The following B4GALNT2 variants were observed in gnomAD, a reference collection of about 807,000 sequenced individuals.
The protein encoded by B4GALNT2 is beta-1,4-N-acetyl-galactosaminyltransferase 2 (SID blood group).
In B4GALNT2, 42 loss-of-function variants were observed where a neutral mutation model predicts 51.1. The ratio of observed to expected loss-of-function variants is 0.82; its 90% CI spans 0.64 to 1.06. The LOEUF (loss-of-function observed/expected upper bound fraction) is 1.06, where lower values mean the gene tolerates loss of function less well. Ranked by LOEUF, B4GALNT2 falls within the 50% of genes least tolerant of loss-of-function variation. B4GALNT2 has a pLI of 0.00. For synonymous variants in B4GALNT2, 253 were observed against 251.7 expected, an observed-to-expected ratio of 1.01 and a Z score of -0.05; for missense variants, 602 against 633.6, an observed-to-expected ratio of 0.95 and a Z score of 0.54.
At chr17:49,125,697 G>A in the B4GALNT2 span, among the ~76,000 whole-genome samples, 2 of 102,930 alleles carry the variant, frequency 1.9e-5, no homozygotes, top group Non-Finnish European at 4.6e-5. Flanking sequence ...CGTCTGGGAG[G>A]GAGGTGGGGG....
chr17:49,131,334 G>C (rs1270489584), upstream of B4GALNT2, among the ~76,000 whole-genome samples: 3 of 151,846 alleles, frequency 2.0e-5, no homozygotes, highest in African/African-American at 7.3e-5. Flanking sequence ...ACTCCCTTCT[G>C]AGAGACTCCC....
At chr17:49,129,155 CAAG>C (rs749007042), upstream of B4GALNT2, among the ~76,000 whole-genome samples, 2 of 150,908 alleles carry the variant, frequency 1.3e-5, no homozygotes, top group Non-Finnish European at 2.9e-5. Flanking sequence ...ACTGGAGCCA[CAAG>C]AAGTGGGGTG....
the B4GALNT2 span, among the ~76,000 whole-genome samples, chr17:49,125,720 G>C: frequency 2.4e-5 from 3 of 122,474 alleles, no homozygotes; most frequent in Admixed American, 8.3e-5. Context: ...GGCCCCCGCC[G>C]GGCCGGCCGC....
Position 49,175,779 on chromosome 17 carries a change from G to T in B4GALNT2, c.*6051G>T, listed in dbSNP as rs2042983530. 1 of 152,106 alleles carries T rather than the reference G, an allele frequency of 6.6e-6. No individual in the cohort carries two copies. Among genetic ancestry groups the T allele is most frequent in the Non-Finnish European group, 1.5e-5 (1 of 68,044 alleles). 9.4% of individuals were successfully genotyped at this position (152,106 alleles called of 1,614,324 possible). A position where few individuals can be genotyped will look rare whatever the true frequency, so the allele number is the denominator to read the frequency against. ...ATAGAACTGAGAGCAGTCACTCGAGGCACTGCTAGAACAGTCACTGGGGCA... is the reference window on the plus strand; with the variant it reads ...ATAGAACTGAGAGCAGTCACTCGAGTCACTGCTAGAACAGTCACTGGGGCA... On this transcript the variant is annotated 3_prime_UTR_variant, in exon 11 of 11. Transcript: ENST00000393354.
At chr17:49,139,705 A>G (rs950905238) in intron 1 of B4GALNT2, among the ~76,000 whole-genome samples, 3 of 152,086 alleles carry the variant, frequency 2.0e-5, no homozygotes, top group African/African-American at 4.8e-5. Flanking sequence ...TTGTAGATAC[A>G]GGGTCTTGTT....
rs749435718 is a variant in B4GALNT2 at position 49,174,215 on chromosome 17, G to T, written c.*4487G>T. 1.3e-5 allele frequency: 2 copies of T among 152,110 alleles called. No individual in the cohort carries two copies. Among genetic ancestry groups the T allele is most frequent in the Non-Finnish European group, 2.9e-5 (2 of 68,010 alleles). 9.4% of individuals were successfully genotyped at this position (152,110 alleles called of 1,614,324 possible). Reference sequence around the variant, plus strand: ...TCATAACATTGGAGTAATATTTCTCGAGTGGGGGGCAGCACAAAGTATATC... The same window carrying T: ...TCATAACATTGGAGTAATATTTCTCTAGTGGGGGGCAGCACAAAGTATATC... On this transcript the variant is annotated 3_prime_UTR_variant, in exon 11 of 11. Coordinates refer to ENST00000393354, the MANE Select transcript of B4GALNT2 (RefSeq NM_001159387.2).
chr17:49,129,235 G>A (rs2042525631), upstream of B4GALNT2, among the ~76,000 whole-genome samples: 1 of 151,954 alleles, frequency 6.6e-6, no homozygotes. Context: ...GGGAGGAGGA[G>A]GGGAGAAAGC....
Position 49,173,190 on chromosome 17 carries a change from C to T in B4GALNT2, c.*3462C>T, listed in dbSNP as rs558240078. ...TAAAAAGGATGCATTCTACTCCTGA[C>T]TGCTGTTTGCAATTGGGTAAATAAA... On this transcript the variant is annotated 3_prime_UTR_variant, in exon 11 of 11. Coordinates refer to ENST00000393354, the MANE Select transcript of B4GALNT2 (RefSeq NM_001159387.2). 6.6e-6 allele frequency: 1 copy of T among 152,230 alleles called. No homozygotes were observed. The highest frequency in any genetic ancestry group is 1.5e-5 in the Non-Finnish European group (1 of 68,042). The allele number at this position is 152,230 out of a possible 1,614,324, so 9.4% of individuals were successfully genotyped here. A position where few individuals can be genotyped will look rare whatever the true frequency, so the allele number is the denominator to read the frequency against.
intron 1 of B4GALNT2, among the ~76,000 whole-genome samples, chr17:49,135,883 G>A (rs1001875485): frequency 5.9e-5 from 9 of 151,454 alleles, no homozygotes; most frequent in African/African-American, 1.2e-4. Context: ...CTAACACGGC[G>A]AAACTCCGTC....
intron 1 of B4GALNT2, among the ~76,000 whole-genome samples, chr17:49,139,788 T>C (rs2042623212): frequency 1.3e-5 from 2 of 152,134 alleles, no homozygotes; most frequent in Admixed American, 1.3e-4. Flanking sequence ...AGTGCTCAGA[T>C]TATGGGCATG....
upstream of B4GALNT2, among the ~76,000 whole-genome samples, chr17:49,130,276 G>C (rs1006281893): frequency 7.2e-5 from 11 of 152,216 alleles, no homozygotes; most frequent in Admixed American, 6.5e-4. Flanking sequence ...GCTGGTGTGG[G>C]GAAAAGAGCC....
At chr17:49,121,756 C>A in the B4GALNT2 span, among the ~76,000 whole-genome samples, 2 of 152,158 alleles carry the variant, frequency 1.3e-5, no homozygotes, top group African/African-American at 4.8e-5. Context: ...TTGGGGGAAG[C>A]TATCCTCAGA....
At chr17:49,136,463 T>G (rs1234956033) in intron 1 of B4GALNT2, among the ~76,000 whole-genome samples, 1 of 151,908 alleles carries the variant, frequency 6.6e-6, no homozygotes, top group East Asian at 1.9e-4. Context: ...TTCAGTAATT[T>G]GATTTTTTTA....
Position 49,152,847 on chromosome 17 carries a change from C to G in B4GALNT2, c.401C>G (p.Pro134Arg), listed in dbSNP as rs372388063. 6.2e-7 allele frequency: 1 copy of G among 1,611,166 alleles called. No individual in the cohort carries two copies. Among genetic ancestry groups the G allele is most frequent in the African/African-American group, 1.3e-5 (1 of 74,852 alleles). ...CCCCTGCTGGTCCAGCCCAACCTCC[C>G]CTTTGGGTACCCAGTCCACGGAGTG... is the stretch of plus-strand genomic sequence containing the variant. Reference protein sequence around the residue: ...PLPLLVQPNLPFGYPVHGVEV... With the variant: ...PLPLLVQPNLRFGYPVHGVEV... Residue 134 changes from proline (P) to arginine (R), a missense_variant, in exon 4 of 11, where the codon CCC becomes CGC. Coordinates refer to ENST00000393354, the MANE Select transcript of B4GALNT2 (RefSeq NM_001159387.2).
intron 3 of B4GALNT2, among the ~76,000 whole-genome samples, chr17:49,150,100 G>A (rs1323113120): frequency 6.6e-6 from 1 of 151,760 alleles, no homozygotes; most frequent in South Asian, 2.1e-4. Context: ...CTGGCCAGCC[G>A]CCCCGTCCAG....
chr17:49,141,468 T>C (rs2042643568), intron 2 of B4GALNT2, 21 bp downstream of exon 2: 2 of 1,608,178 alleles, frequency 1.2e-6, no homozygotes, highest in East Asian at 4.5e-5. Context: ...GCGTGTTCTT[T>C]CTTTCACCTT....
intron 3 of B4GALNT2, among the ~76,000 whole-genome samples, chr17:49,147,709 A>C (rs754485044): frequency 1.3e-5 from 2 of 151,786 alleles, no homozygotes; most frequent in Admixed American, 1.3e-4. Flanking sequence ...TCCCCTGACC[A>C]CTACCACTGC....
Position 49,160,545 on chromosome 17 carries a change from C to T in B4GALNT2, c.680-10C>T. ...TACTCCCTGTGCCATTATCTTATTTCTCCCTCCAGTGAGTCTGGAGTCCAG... is the reference window on the plus strand; with the variant it reads ...TACTCCCTGTGCCATTATCTTATTTTTCCCTCCAGTGAGTCTGGAGTCCAG... On this transcript the variant is annotated splice_polypyrimidine_tract_variant and intron_variant, in intron 6 of 10. Transcript: ENST00000393354. 6.2e-7 allele frequency: 1 copy of T among 1,611,148 alleles called. No homozygotes were observed. Among genetic ancestry groups the T allele is most frequent in the African/African-American group, 1.3e-5 (1 of 74,954 alleles).
At chr17:49,158,454 C>T (rs1360818537) in intron 5 of B4GALNT2, among the ~76,000 whole-genome samples, 4 of 151,784 alleles carry the variant, frequency 2.6e-5, no homozygotes, top group Admixed American at 2.0e-4. Context: ...GCAAACACGG[C>T]GAAAGCCCGT....
Sources: allele counts gnomAD v4.1 joint callset (sites outside exome capture counted in the v4.1 genomes callset), GRCh38; gene constraint gnomAD v4.1.1; transcripts MANE v1.5; gene names NCBI Gene and HGNC (gene_info 2026-07-23, HGNC 2026-07-21).